The following XYLT2 variants were observed in gnomAD, a reference collection of about 807,000 sequenced individuals.
XYLT2 encodes xylosyltransferase 2.
Under a neutral mutation model 82.6 loss-of-function variants are expected in XYLT2, and 37 were observed. That is an observed-to-expected ratio of 0.45 (90% CI 0.34 to 0.59). XYLT2 has a LOEUF of 0.59. XYLT2 is among the 20% of genes least tolerant of loss of function. The pLI is 0.01. For synonymous variants in XYLT2, 474 were observed against 499.0 expected, an observed-to-expected ratio of 0.95 and a Z score of 0.67; for missense variants, 934 against 1,181.3, an observed-to-expected ratio of 0.79 and a Z score of 3.07.
chr17:50,347,559 CTGTT>C (rs143841054), intron 1 of XYLT2, among the ~76,000 whole-genome samples: 2,254 of 152,286 alleles, frequency 0.015, 32 homozygotes, highest in Middle Eastern at 0.054. Context: ...TGTAAGAAGA[CTGTT>C]TGGGCAGATG....
rs1170931392 is a variant in XYLT2 at position 50,361,023 on chromosome 17, G to A, written c.*732G>A. ...CAGAGTTTCCAGGTGTGCACTGGAA[G>A]TGAGGTCACATGAGCAGCGTGGGAA... On this transcript the variant is annotated 3_prime_UTR_variant, in exon 11 of 11. Coordinates refer to ENST00000017003, the MANE Select transcript of XYLT2 (RefSeq NM_022167.4). 11 of 985,944 alleles carry A rather than the reference G, an allele frequency of 1.1e-5. No individual in the cohort carries two copies. Among genetic ancestry groups the A allele is most frequent in the Non-Finnish European group, 1.1e-5 (9 of 829,962 alleles). The allele number at this position is 985,944 out of a possible 1,614,324, so 61.1% of individuals were successfully genotyped here. A position where few individuals can be genotyped will look rare whatever the true frequency, so the allele number is the denominator to read the frequency against.
chr17:50,356,970 TG>T, intron 8 of XYLT2, 86 bp from the exon 9 acceptor site: 1 of 1,470,790 alleles, frequency 6.8e-7, no homozygotes, highest in Non-Finnish European at 9.2e-7. Context: ...TGCCTGGGGA[TG>T]GGACTCCCCA....
rs368716592 is a variant in XYLT2 at position 50,356,254 on chromosome 17, G to T, written c.1475G>T (p.Arg492Leu). 1 of 1,612,868 alleles carries T rather than the reference G, an allele frequency of 6.2e-7. No individual in the cohort carries two copies. Among genetic ancestry groups the T allele is most frequent in the African/African-American group, 1.3e-5 (1 of 74,926 alleles). ...GACTTCAAGCCACAGGACTTCCTCC[G>T]GCTGCAGGTGCTTGCCCGAGGCCCC... ...PNDFKPQDFL[R>L]LQQVSRPTFF... The change falls in exon 7 of 11, where the codon CGG (arginine) becomes CTG (leucine). Residue 492 changes from arginine to leucine, a missense_variant. By Grantham distance (102) the Arg-to-Leu change is moderately radical. This residue lies in a region of XYLT2 where 189 missense variants were observed against 320.8 expected (regional missense o/e 0.59). Transcript: ENST00000017003.
intron 1 of XYLT2, among the ~76,000 whole-genome samples, chr17:50,349,170 C>T (rs1912153680): frequency 6.6e-6 from 1 of 152,232 alleles, no homozygotes. Context: ...GACCAGCTTC[C>T]TAACTCACTG....
At chr17:50,359,936 G>C (rs756474618) in intron 10 of XYLT2, 33 bp from the exon 11 acceptor site, 1 of 1,521,704 alleles carries the variant, frequency 6.6e-7, no homozygotes, top group African/African-American at 1.4e-5. Context: ...TCTGTTGCAG[G>C]GGGTGTGCTT....
chr17:50,354,167 G>A (rs919929135), intron 2 of XYLT2, 45 bp downstream of exon 2: 1 of 1,597,150 alleles, frequency 6.3e-7, no homozygotes, highest in Non-Finnish European at 8.5e-7. Context: ...GGGGGCAGGG[G>A]GGTGGCATGG....
In XYLT2 at chr17:50,346,394, C is replaced by T. The variant is rs1912042847; in HGVS notation, c.135+119C>T. The T allele has an allele frequency of 2.1e-6, 2 of 965,956 alleles. No homozygotes were observed. Among genetic ancestry groups the T allele is most frequent in the Admixed American group, 6.2e-5 (1 of 16,218 alleles). 59.8% of individuals were successfully genotyped at this position (965,956 alleles called of 1,614,324 possible). A position where few individuals can be genotyped will look rare whatever the true frequency, so the allele number is the denominator to read the frequency against. ...ACGGGCCGCGTGCGTGCGTGCGGGG[C>T]GCCGGCGGTCGCCCAGAGCGGAGCA... On this transcript the variant is annotated intron_variant, in intron 1 of 10. Coordinates refer to ENST00000017003, the MANE Select transcript of XYLT2 (RefSeq NM_022167.4). The surrounding 1 kb of genome is among the most constrained non-coding windows in gnomAD (Gnocchi z 5.1).
chr17:50,349,569 C>T (rs956514994), intron 1 of XYLT2, among the ~76,000 whole-genome samples: 2 of 152,014 alleles, frequency 1.3e-5, no homozygotes, highest in African/African-American at 4.8e-5. Flanking sequence ...GATAACATAG[C>T]AAGACTATCT....
chr17:50,346,921 G>T lies in XYLT2; in HGVS notation c.135+646G>T. ...ATGGGTCTCCGGAGGGCAGGGAGAG[G>T]AGGAACTGAGCTGGTGAGTTGGCCT... On this transcript the variant is annotated intron_variant, in intron 1 of 10. Coordinates refer to ENST00000017003, the MANE Select transcript of XYLT2 (RefSeq NM_022167.4). This position sits in a 1 kb window ranked among gnomAD's most constrained non-coding sequence, Gnocchi z 5.1. 1 of 985,406 alleles carries T rather than the reference G, an allele frequency of 1.0e-6. No individual in the cohort carries two copies. Among genetic ancestry groups the T allele is most frequent in the Middle Eastern group, 5.2e-4 (1 of 1,914 alleles). The allele number at this position is 985,406 out of a possible 1,614,324, so 61.0% of individuals were successfully genotyped here. A position where few individuals can be genotyped will look rare whatever the true frequency, so the allele number is the denominator to read the frequency against.
Position 50,354,210 on chromosome 17 carries a change from A to G in XYLT2, c.628+88A>G, listed in dbSNP as rs1356126655. The stretch of plus-strand genomic sequence containing the variant: ...CCTCACCCCTATCTCTCTGAGGAAG[A>G]AAGAGCCAAGGGGATCCTACCTCCC... On this transcript the variant is annotated intron_variant, in intron 2 of 10. Transcript: ENST00000017003. The G allele has an allele frequency of 5.7e-6, 9 of 1,576,296 alleles. No individual in the cohort carries two copies. In the African/African-American group the frequency reaches 1.2e-4, roughly 21 times the overall value.
intron 10 of XYLT2, 45 bp from the exon 11 acceptor site, chr17:50,359,924 A>C: frequency 6.7e-7 from 1 of 1,494,670 alleles, no homozygotes; most frequent in Non-Finnish European, 9.0e-7. Flanking sequence ...GCCTCCACGG[A>C]GTCTGTTGCA....
At position 50,360,340 on chromosome 17, in the gene XYLT2, A is replaced by C; in HGVS notation, c.*49A>C. 1 of 1,500,312 alleles carries C rather than the reference A, an allele frequency of 6.7e-7. No homozygotes were observed. Among genetic ancestry groups the C allele is most frequent in the Non-Finnish European group, 8.9e-7 (1 of 1,123,182 alleles). The allele number at this position is 1,500,312 out of a possible 1,614,324, so 92.9% of individuals were successfully genotyped here. A position where few individuals can be genotyped will look rare whatever the true frequency, so the allele number is the denominator to read the frequency against. On this transcript the variant is annotated 3_prime_UTR_variant, in exon 11 of 11. Coordinates refer to ENST00000017003, the MANE Select transcript of XYLT2 (RefSeq NM_022167.4). ...GAGGACCCGGGAAATTGCACCTTAC[A>C]GACAGTGGAGGGGTGTCCCCTCCCA...
At chr17:50,355,699 G>T in intron 5 of XYLT2, 82 bp from the exon 6 acceptor site, 1 of 1,587,768 alleles carries the variant, frequency 6.3e-7, no homozygotes, top group Non-Finnish European at 8.6e-7. Flanking sequence ...CACAGGTTGA[G>T]GAGTGTTGGT....
intron 10 of XYLT2, chr17:50,359,539 A>C: frequency 6.2e-6 from 1 of 161,276 alleles, no homozygotes; most frequent in Non-Finnish European, 1.3e-5. Flanking sequence ...CACAGCAGGT[A>C]GGGACAGGGG....
intron 10 of XYLT2, 102 bp downstream of exon 10, chr17:50,358,642 T>A: frequency 8.1e-7 from 1 of 1,229,186 alleles, no homozygotes; most frequent in Non-Finnish European, 1.1e-6. Flanking sequence ...CTCCCATCCC[T>A]AGAGTCAGGG....
chr17:50,354,473 G>C lies in XYLT2; in HGVS notation c.694G>C (p.Val232Leu), dbSNP rs1239039960. 6.2e-7 allele frequency: 1 copy of C among 1,612,716 alleles called. No individual in the cohort carries two copies. The highest frequency in any genetic ancestry group is 1.1e-5 in the South Asian group (1 of 91,024). The change falls in exon 3 of 11, where the codon GTG becomes CTG. Residue 232 changes from valine to leucine, a missense_variant. Transcript: ENST00000017003. ...QAQQPMDGPPVRIAYMLVVHG... is the reference protein window; with the variant it reads ...QAQQPMDGPPLRIAYMLVVHG... Reference sequence around the variant, plus strand: ...CCAGCAGCCCATGGATGGCCCCCCGGTGCGAATCGCCTACATGCTGGTGGT... The same window carrying C: ...CCAGCAGCCCATGGATGGCCCCCCGCTGCGAATCGCCTACATGCTGGTGGT...
In XYLT2 at chr17:50,355,601, G is replaced by T. The variant is rs1258277999; in HGVS notation, c.1088+20G>T. 2 of 1,613,678 alleles carry T rather than the reference G, an allele frequency of 1.2e-6. No homozygotes were observed. Among genetic ancestry groups the T allele is most frequent in the African/African-American group, 2.7e-5 (2 of 75,024 alleles). On this transcript the variant is annotated intron_variant, in intron 5 of 10. Transcript: ENST00000017003. ...CTCCAGGTGAGGGGGTGGGGAAGGA[G>T]GCCCTGGCCCCAGAGTCTTGTCCCA...
rs1912770137 is a variant in XYLT2, at chr17:50,360,611, T to TGGTTGGGA, written c.*322_*329dup. On this transcript the variant is annotated 3_prime_UTR_variant, in exon 11 of 11. Coordinates refer to ENST00000017003, the MANE Select transcript of XYLT2 (RefSeq NM_022167.4). ...TTTTTAATTTAAAAAGGAAAATGGG[T>TGGTTGGGA]GGTTGGGAGAGAAACTAGAACAGAA... 1 of 1,051,434 alleles carries TGGTTGGGA rather than the reference T, an allele frequency of 9.5e-7. No individual in the cohort carries two copies. Among genetic ancestry groups the TGGTTGGGA allele is most frequent in the Non-Finnish European group, 1.1e-6 (1 of 878,584 alleles). The allele number at this position is 1,051,434 out of a possible 1,614,324, so 65.1% of individuals were successfully genotyped here.
intron 3 of XYLT2, 54 bp from the exon 4 acceptor site, chr17:50,354,800 G>A (rs1328365055): frequency 1.1e-5 from 17 of 1,602,618 alleles, no homozygotes; most frequent in African/African-American, 9.4e-5. Context: ...TCCTGGGGTG[G>A]GATTGGGGAT....
Sources: gnomAD v4.1 joint callset for allele counts (sites outside exome capture counted in the v4.1 genomes callset) on GRCh38, gnomAD v4.1.1 for gene constraint, gnomAD v4.1.1 regional missense constraint, Gnocchi (gnomAD v3.1) non-coding constraint, MANE v1.5 for transcripts, NCBI Gene and HGNC (gene_info 2026-07-23, HGNC 2026-07-21) for gene names.